Variants in MXRA5 observed in about 807,000 individuals in gnomAD.
The protein encoded by MXRA5 is matrix-remodeling-associated protein 5.
Under a neutral mutation model 112.5 loss-of-function variants are expected in MXRA5, and 41 were observed. The observed-to-expected ratio is 0.36, with a 90% CI of 0.28 to 0.47. The LOEUF (loss-of-function observed/expected upper bound fraction) is 0.47, where lower values mean the gene tolerates loss of function less well. Ranked by LOEUF, MXRA5 falls within the 20% of genes least tolerant of loss-of-function variation. The pLI is 0.99. For synonymous variants in MXRA5, 862 were observed against 900.8 expected (o/e 0.96, Z 0.77); for missense variants, 2,150 against 2,251.0 (o/e 0.96, Z 0.91).
intron 2 of MXRA5, among the ~76,000 whole-genome samples, chrX:3,338,049 G>C (rs1290625546): frequency 9.0e-6 from 1 of 111,452 alleles, no homozygotes; most frequent in Admixed American, 9.6e-5. Context: ...CATGATGCAC[G>C]TTCAGGGGAG....
At chrX:3,316,497 T>TTAGTAATAATAATAA (rs1921137098) in intron 6 of MXRA5, among the ~76,000 whole-genome samples, 2 of 85,079 alleles carry the variant, frequency 2.4e-5, no homozygotes, top group Admixed American at 1.4e-4. Context: ...CTACAAAAAG[T>TTAGTAATAATAATAA]TAATAATAAT....
intron 6 of MXRA5, among the ~76,000 whole-genome samples, chrX:3,313,013 G>A (rs1339044008): frequency 1.8e-5 from 2 of 112,500 alleles, no homozygotes; most frequent in African/African-American, 6.5e-5. Flanking sequence ...GGCCATGAGT[G>A]AGAATCAAGT....
At chrX:3,345,450 G>GGCCTC (rs1370740689) in intron 1 of MXRA5, among the ~76,000 whole-genome samples, 17 of 113,015 alleles carry the variant, frequency 1.5e-4, no homozygotes, top group Non-Finnish European at 2.8e-4. Flanking sequence ...CTGGTTCCAA[G>GGCCTC]GGCAGCCGCG....
At chrX:3,338,389 A>G (rs1921829901) in intron 2 of MXRA5, among the ~76,000 whole-genome samples, 1 of 110,951 alleles carries the variant, frequency 9.0e-6, no homozygotes, top group African/African-American at 3.3e-5. Context: ...AGATAGATAG[A>G]CAGATAGATA....
intron 4 of MXRA5, among the ~76,000 whole-genome samples, chrX:3,325,839 T>TATAAATAAATA (rs1921454185): frequency 1.0e-5 from 1 of 95,912 alleles, no homozygotes; most frequent in African/African-American, 3.8e-5. Context: ...ATAATATATT[T>TATAAATAAATA]ATTCATAAAT....
intron 4 of MXRA5, among the ~76,000 whole-genome samples, chrX:3,329,806 A>T (rs113170441): frequency 6.8e-4 from 76 of 111,982 alleles, no homozygotes; most frequent in African/African-American, 2.4e-3. Flanking sequence ...TCACTAAGGG[A>T]TAACTGCCTT....
intron 6 of MXRA5, among the ~76,000 whole-genome samples, chrX:3,315,234 T>A (rs1418388480): frequency 2.8e-5 from 3 of 106,953 alleles, no homozygotes; most frequent in Non-Finnish European, 3.8e-5. Flanking sequence ...TCACCAACTG[T>A]CCCTTGGGGA....
chrX:3,312,117 A>G (rs1920997479), intron 6 of MXRA5, among the ~76,000 whole-genome samples: 1 of 112,288 alleles, frequency 8.9e-6, no homozygotes, highest in Non-Finnish European at 1.9e-5. Flanking sequence ...CAAGAGTCAG[A>G]AAAGCAACTC....
At chrX:3,315,384 A>AGATGAAATAGGTAGAAGGATG (rs1569181331) in intron 6 of MXRA5, among the ~76,000 whole-genome samples, 3 of 36,786 alleles carry the variant, frequency 8.2e-5, no homozygotes, top group Non-Finnish European at 9.5e-5. Context: ...ATAGATAGAT[A>AGATGAAATAGGTAGAAGGATG]GATAGATGAT....
At chrX:3,319,505 A>G (rs1381384159) in intron 5 of MXRA5, among the ~76,000 whole-genome samples, 1 of 112,913 alleles carries the variant, frequency 8.9e-6, no homozygotes, top group African/African-American at 3.2e-5. Flanking sequence ...CCAGGCTTGC[A>G]GTGGCCAGCC....
Position 3,322,781 on chromosome X carries a change from G to T in MXRA5, c.2904C>A (p.Ser968=). The T allele has an allele frequency of 1.7e-6, 2 of 1,211,743 alleles. No individual in the cohort carries two copies. Among genetic ancestry groups the T allele is most frequent in the East Asian group, 5.9e-5 (2 of 33,839 alleles). The change falls in exon 5 of 7, where the codon TCC becomes TCA. Residue 968 remains serine, a synonymous_variant. Coordinates refer to ENST00000217939, the MANE Select transcript of MXRA5 (RefSeq NM_015419.4). ...SEYEPPLDAV[S]LAESEPMQYF... The stretch of plus-strand genomic sequence containing the variant: ...ATTGCATGGGCTCAGACTCAGCCAA[G>T]GAGACAGCATCCAATGGAGGCTCAT...
chrX:3,330,475 A>G, intron 3 of MXRA5, 67 bp from the exon 4 acceptor site: 1 of 1,126,936 alleles, frequency 8.9e-7, no homozygotes, highest in South Asian at 2.2e-5. Context: ...AGCCACAACC[A>G]CAAACAGAAA....
intron 2 of MXRA5, among the ~76,000 whole-genome samples, chrX:3,341,623 A>C (rs1436270665): frequency 1.8e-5 from 1 of 56,511 alleles, no homozygotes; most frequent in African/African-American, 6.8e-5. Flanking sequence ...ATAATATATA[A>C]TATAGTATAC....
At chrX:3,343,348 A>C (rs1224410164) in intron 2 of MXRA5, among the ~76,000 whole-genome samples, 2 of 112,411 alleles carry the variant, frequency 1.8e-5, no homozygotes, top group Non-Finnish European at 3.7e-5. Flanking sequence ...CAATGTATTA[A>C]AGAAATGCTA....
chrX:3,320,406 C>T lies in MXRA5; in HGVS notation c.5279G>A (p.Arg1760Lys). Residue 1760 changes from arginine to lysine, a missense_variant, in exon 5 of 7, where the codon AGA becomes AAA. By Grantham distance (26) the Arg-to-Lys change is conservative. Around this residue, in one of 6 missense-constraint regions of MXRA5, gnomAD observed 1,485 missense variants for 1,471.6 expected, o/e 1.01. Transcript: ENST00000217939. ...QIPTSPAPVM[R>K]ERKVIPGSYN... ...GGAACCTGGAATAACTTTTCTCTCT[C>T]TCATTACTGGGGCAGGAGAAGTGGG... The T allele has an allele frequency of 1.7e-6, 2 of 1,211,681 alleles. No individual in the cohort carries two copies. The highest frequency in any genetic ancestry group is 2.2e-6 in the Non-Finnish European group (2 of 895,494).
rs1425517011 is a variant in MXRA5 at position 3,321,210 on chromosome X, G to A, written c.4475C>T (p.Ala1492Val). 2.5e-6 allele frequency: 3 copies of A among 1,211,600 alleles called. No individual in the cohort carries two copies. Among genetic ancestry groups the A allele is most frequent in the South Asian group, 3.5e-5 (2 of 56,980 alleles). ...GAGAATTGTGGATGGGGACGAGGAT[G>A]CTGGCTCCTTCATCCGGGCAGCAGT... ...TPTAARMKEP[A>V]SSSPSTILMS... Residue 1492 changes from alanine (A) to valine (V), a missense_variant, in exon 5 of 7, where the codon GCA becomes GTA. Around this residue, in one of 6 missense-constraint regions of MXRA5, gnomAD observed 1,485 missense variants for 1,471.6 expected, o/e 1.01. Transcript: ENST00000217939.
chrX:3,326,285 A>C (rs1227060987), intron 4 of MXRA5, among the ~76,000 whole-genome samples: 5 of 16,980 alleles, frequency 2.9e-4, no homozygotes, highest in Non-Finnish European at 5.5e-4. Flanking sequence ...ATAACTCTCT[A>C]TATATTTATA....
Position 3,321,025 on chromosome X carries a change from C to T in MXRA5, c.4660G>A (p.Gly1554Arg). 3 of 1,211,885 alleles carry T rather than the reference C, an allele frequency of 2.5e-6. No individual in the cohort carries two copies. The highest frequency in any genetic ancestry group is 1.8e-5 in the South Asian group (1 of 56,962). Residue 1554 changes from glycine to arginine, a missense_variant, in exon 5 of 7, where the codon GGG becomes AGG. Transcript: ENST00000217939. Reference protein sequence around the residue: ...VNNEGTQHMSGPNELSTPSSD... With the variant: ...VNNEGTQHMSRPNELSTPSSD... ...GAGGGTGTTGATAATTCATTTGGCC[C>T]TGACATATGCTGTGTTCCTTCATTG...
intron 2 of MXRA5, among the ~76,000 whole-genome samples, chrX:3,333,090 C>T (rs1398163521): frequency 9.2e-6 from 1 of 109,095 alleles, no homozygotes; most frequent in African/African-American, 3.3e-5. Flanking sequence ...ATCACTTGAG[C>T]CCAGGAGTTC....
Sources: gnomAD v4.1 joint callset for allele counts (sites outside exome capture counted in the v4.1 genomes callset) on GRCh38, gnomAD v4.1.1 for gene constraint, gnomAD v4.1.1 regional missense constraint, MANE v1.5 for transcripts, NCBI Gene and HGNC (gene_info 2026-07-23, HGNC 2026-07-21) for gene names.